Variants in NKAIN2 observed in about 807,000 individuals in gnomAD.
The protein encoded by NKAIN2 is sodium/potassium-transporting ATPase subunit beta-1-interacting protein 2.
A neutral mutation model predicts 32.6 loss-of-function variants in NKAIN2; 14 were observed. That is an observed-to-expected ratio of 0.43 (90% CI 0.28 to 0.67). The LOEUF is 0.67. Among genes scored for constraint, NKAIN2 ranks in the 30% least tolerant of loss-of-function variants. The pLI is 0.17. For synonymous variants in NKAIN2, 80 were observed against 87.2 expected (o/e 0.92, Z 0.46); for missense variants, 198 against 258.3 (o/e 0.77, Z 1.60).
In NKAIN2 at chr6:124,347,040, A is replaced by C. The variant is rs1431586048; in HGVS notation, c.193-8227A>C. On this transcript the variant is annotated intron_variant, in intron 2 of 6. Coordinates refer to ENST00000368417, the MANE Select transcript of NKAIN2 (RefSeq NM_001040214.3). Reference sequence around the variant, plus strand: ...TTTAGGGCAGGCCTGGTGGTGACAAAATCTCTCAGCATTTGCTTGTCTGTA... The same window carrying C: ...TTTAGGGCAGGCCTGGTGGTGACAACATCTCTCAGCATTTGCTTGTCTGTA... Among the ~76,000 whole-genome samples, 695 of 152,052 alleles carry C rather than the reference A, an allele frequency of 4.6e-3. 4 individuals carry two copies. Among genetic ancestry groups the C allele is most frequent in the African/African-American group, 0.016 (659 of 41,510 alleles).
At chr6:124,028,830 T>C (rs1220217628) in intron 1 of NKAIN2, among the ~76,000 whole-genome samples, 1 of 145,074 alleles carries the variant, frequency 6.9e-6, no homozygotes, top group Non-Finnish European at 1.5e-5. Flanking sequence ...TGTATATATA[T>C]ACATATATAT....
intron 4 of NKAIN2, among the ~76,000 whole-genome samples, chr6:124,759,657 C>CCA (rs1778161606): frequency 2.7e-5 from 2 of 75,458 alleles, no homozygotes; most frequent in East Asian, 3.9e-4. Context: ...ACACACACAC[C>CCA]CCCTATCTCC....
At chr6:123,955,266 A>G (rs1356767371) in intron 1 of NKAIN2, among the ~76,000 whole-genome samples, 2 of 151,712 alleles carry the variant, frequency 1.3e-5, no homozygotes, top group Non-Finnish European at 2.9e-5. Context: ...CCATGACACT[A>G]TAGAACCAAT....
chr6:123,884,015 ACTTGTGT>A lies in NKAIN2; in HGVS notation c.54+79766_54+79772del, dbSNP rs1387726782. ...AAGTGCAGGTTTGTTACATAGATAA[ACTTGTGT>A]CTTGGGGATTTGTTGTACATATTAT... On this transcript the variant is annotated intron_variant, in intron 1 of 6. Transcript: ENST00000368417. Among the ~76,000 whole-genome samples, 3 of 151,684 alleles carry A rather than the reference ACTTGTGT, an allele frequency of 2.0e-5. No individual in the cohort carries two copies. The East Asian group carries it at 5.8e-4, about 29-fold the overall frequency.
At chr6:124,684,485 T>C (rs1773767237) in intron 4 of NKAIN2, among the ~76,000 whole-genome samples, 1 of 152,174 alleles carries the variant, frequency 6.6e-6, no homozygotes, top group Admixed American at 6.6e-5. Context: ...GTCCACTACC[T>C]TAGCAAAAGA....
intron 3 of NKAIN2, among the ~76,000 whole-genome samples, chr6:124,431,149 T>C (rs1488669625): frequency 1.3e-5 from 2 of 152,214 alleles, no homozygotes; most frequent in Non-Finnish European, 2.9e-5. Context: ...ATTCTGACAC[T>C]CTGTAACAGG....
intron 5 of NKAIN2, among the ~76,000 whole-genome samples, chr6:124,816,976 T>C (rs1282323787): frequency 5.3e-5 from 8 of 152,202 alleles, no homozygotes; most frequent in Non-Finnish European, 1.5e-5. Flanking sequence ...CTTAGTGGTA[T>C]AAAGCAACCA....
intron 1 of NKAIN2, among the ~76,000 whole-genome samples, chr6:124,177,050 A>G (rs1246407710): frequency 2.0e-5 from 3 of 152,138 alleles, no homozygotes; most frequent in South Asian, 2.1e-4. Flanking sequence ...CTACTTTAAA[A>G]GTCCTATGTG....
chr6:123,946,367 G>C (rs1287166665), intron 1 of NKAIN2, among the ~76,000 whole-genome samples: 1 of 152,010 alleles, frequency 6.6e-6, no homozygotes, highest in Non-Finnish European at 1.5e-5. Flanking sequence ...GCTCTAGTAG[G>C]CATGATGAGG....
intron 1 of NKAIN2, among the ~76,000 whole-genome samples, chr6:123,938,406 A>G (rs1776628504): frequency 5.0e-4 from 1 of 1,990 alleles, no homozygotes; most frequent in African/African-American, 1.3e-3. Context: ...TTATATATAT[A>G]TATATATATA....
At chr6:124,078,827 T>TG in intron 1 of NKAIN2, among the ~76,000 whole-genome samples, 1 of 147,160 alleles carries the variant, frequency 6.8e-6, no homozygotes, top group South Asian at 2.2e-4. Context: ...TGTGTGTGTG[T>TG]TGCAATTATA....
At chr6:124,642,990 T>C (rs991019212) in intron 3 of NKAIN2, among the ~76,000 whole-genome samples, 1 of 152,172 alleles carries the variant, frequency 6.6e-6, no homozygotes, top group Non-Finnish European at 1.5e-5. Context: ...GGTCAAGCAC[T>C]CAGAATTTAT....
chr6:124,817,019 A>C (rs746758117), intron 5 of NKAIN2, among the ~76,000 whole-genome samples: 4 of 152,142 alleles, frequency 2.6e-5, no homozygotes, highest in Non-Finnish European at 4.4e-5. Context: ...TGGGTTAATA[A>C]CTCAGACAGG....
intron 1 of NKAIN2, among the ~76,000 whole-genome samples, chr6:124,179,536 A>G (rs1789331268): frequency 6.6e-6 from 1 of 152,238 alleles, no homozygotes; most frequent in Admixed American, 6.5e-5. Context: ...ATCAAGAACC[A>G]GAGAAGTTAC....
chr6:124,139,079 A>AATTTTTTT (rs1457805240), intron 1 of NKAIN2, among the ~76,000 whole-genome samples: 37 of 99,492 alleles, frequency 3.7e-4, no homozygotes, highest in Non-Finnish European at 6.3e-4. Flanking sequence ...TTAAATAAAA[A>AATTTTTTT]TTTTTTTTTT....
intron 3 of NKAIN2, among the ~76,000 whole-genome samples, chr6:124,549,598 C>T (rs1000672695): frequency 8.5e-5 from 13 of 152,176 alleles, no homozygotes; most frequent in African/African-American, 3.1e-4. Flanking sequence ...CTGCATTTTT[C>T]CTTGTCCCAG....
intron 1 of NKAIN2, among the ~76,000 whole-genome samples, chr6:123,883,302 C>A (rs866965541): frequency 2.2e-4 from 34 of 151,816 alleles, no homozygotes; most frequent in African/African-American, 7.7e-4. Flanking sequence ...CCGCCACCAC[C>A]CCTGGCTAAT....
At chr6:124,718,258 T>C (rs907210136) in intron 4 of NKAIN2, among the ~76,000 whole-genome samples, 1 of 152,190 alleles carries the variant, frequency 6.6e-6, no homozygotes, top group Non-Finnish European at 1.5e-5. Context: ...TCCCATCCCC[T>C]GGCAACTACA....
intron 1 of NKAIN2, among the ~76,000 whole-genome samples, chr6:124,254,050 C>T (rs930406532): frequency 1.3e-5 from 2 of 151,698 alleles, no homozygotes; most frequent in African/African-American, 4.8e-5. Flanking sequence ...CTCTTGACCT[C>T]GTGATCCGCC....
Sources: gnomAD v4.1 joint callset for allele counts (sites outside exome capture counted in the v4.1 genomes callset) on GRCh38, gnomAD v4.1.1 for gene constraint, MANE v1.5 for transcripts, NCBI Gene and HGNC (gene_info 2026-07-23, HGNC 2026-07-21) for gene names.